LCA5: variants seen among roughly 807,000 people sequenced by gnomAD.
LCA5 encodes the protein lebercilin.
LCA5 carries 37 observed loss-of-function variants against 53.0 expected under a neutral mutation model. The ratio of observed to expected loss-of-function variants is 0.70; its 90% CI spans 0.54 to 0.92. LCA5 has a LOEUF of 0.92. Among genes scored for constraint, LCA5 ranks in the 40% least tolerant of loss-of-function variants. The pLI is 0.00. For synonymous variants in LCA5, 303 were observed against 282.9 expected (o/e 1.07, Z -0.71); for missense variants, 806 against 790.5 (o/e 1.02, Z -0.23).
chr6:79,521,827 A>T (rs1766634177), intron 1 of LCA5, among the ~76,000 whole-genome samples: 1 of 152,144 alleles, frequency 6.6e-6, no homozygotes, highest in Admixed American at 6.5e-5. Flanking sequence ...CACAAAATAA[A>T]TCTAAGAATA....
intron 1 of LCA5, among the ~76,000 whole-genome samples, chr6:79,530,011 C>T (rs1381458585): frequency 4.0e-5 from 6 of 151,096 alleles, no homozygotes; most frequent in Non-Finnish European, 7.4e-5. Flanking sequence ...ATGTAAATGA[C>T]GAGTTAATGG....
At chr6:79,505,256 T>C (rs1770244613) in intron 3 of LCA5, among the ~76,000 whole-genome samples, 1 of 152,140 alleles carries the variant, frequency 6.6e-6, no homozygotes, top group Non-Finnish European at 1.5e-5. Context: ...CAATCAAAAA[T>C]ATCATAATTT....
At chr6:79,523,416 A>C (rs974968728) in intron 1 of LCA5, among the ~76,000 whole-genome samples, 1 of 152,216 alleles carries the variant, frequency 6.6e-6, no homozygotes, top group African/African-American at 2.4e-5. Context: ...TTACCTCTCA[A>C]TGTAAGTCTA....
Position 79,490,823 on chromosome 6 carries a change from C to A in LCA5, c.1098+765G>T, listed in dbSNP as rs1240102268. On this transcript the variant is annotated intron_variant, in intron 6 of 7. Transcript: ENST00000369846. ...CCATTGTATGAAATATGCTAGGTTG[C>A]CGATACGTTGTTTTCTTTGGGGTTT... Among the ~76,000 whole-genome samples the A allele has an allele frequency of 4.6e-5, 7 of 152,120 alleles. No homozygotes were observed. In the East Asian group the frequency reaches 1.4e-3, roughly 29 times the overall value.
At chr6:79,518,555 A>G (rs552774542) in intron 2 of LCA5, 150 bp downstream of exon 2, 4 of 680,236 alleles carry the variant, frequency 5.9e-6, no homozygotes, top group East Asian at 2.7e-5. Flanking sequence ...ATATATACTT[A>G]TAAGTATATA....
intron 3 of LCA5, among the ~76,000 whole-genome samples, chr6:79,498,969 G>A (rs1184132320): frequency 6.6e-6 from 1 of 152,020 alleles, no homozygotes; most frequent in African/African-American, 2.4e-5. Flanking sequence ...TATGAATATT[G>A]TTGCAAAAGT....
intron 3 of LCA5, among the ~76,000 whole-genome samples, chr6:79,499,917 A>G (rs926395895): frequency 2.0e-5 from 3 of 150,540 alleles, no homozygotes; most frequent in African/African-American, 7.4e-5. Context: ...TCATTGTTCA[A>G]TTCCCACCTA....
intron 1 of LCA5, among the ~76,000 whole-genome samples, chr6:79,530,314 C>T (rs1766920084): frequency 6.6e-6 from 1 of 151,920 alleles, no homozygotes; most frequent in Admixed American, 6.6e-5. Context: ...TATGAGAACA[C>T]ATGGACATAT....
intron 3 of LCA5, among the ~76,000 whole-genome samples, chr6:79,500,384 G>A (rs1273780403): frequency 1.3e-5 from 2 of 152,062 alleles, no homozygotes; most frequent in Admixed American, 1.3e-4. Context: ...AAACACAAAG[G>A]ATAAGTTATT....
At chr6:79,531,772 C>G (rs1766966157) in intron 1 of LCA5, among the ~76,000 whole-genome samples, 1 of 152,126 alleles carries the variant, frequency 6.6e-6, no homozygotes, top group African/African-American at 2.4e-5. Context: ...CCATAGTGAT[C>G]TATTTTCCTG....
chr6:79,505,035 C>T (rs571035630), intron 3 of LCA5, among the ~76,000 whole-genome samples: 2 of 152,214 alleles, frequency 1.3e-5, no homozygotes, highest in South Asian at 2.1e-4. Context: ...GCTTGCAACG[C>T]GTAGCCTAGA....
chr6:79,533,041 A>T (rs1767002980), intron 1 of LCA5, among the ~76,000 whole-genome samples: 1 of 152,176 alleles, frequency 6.6e-6, no homozygotes, highest in Admixed American at 6.5e-5. Flanking sequence ...AAAGTTAGCA[A>T]ATCAAAAAGT....
At chr6:79,533,801 A>G (rs918831545) in intron 1 of LCA5, among the ~76,000 whole-genome samples, 2 of 151,356 alleles carry the variant, frequency 1.3e-5, no homozygotes, top group African/African-American at 4.8e-5. Context: ...TAGTTTTAAG[A>G]AAAAAAACTG....
rs1227687292 is a variant in LCA5 at position 79,513,754 on chromosome 6, C to A, written c.191-13G>T. On this transcript the variant is annotated splice_polypyrimidine_tract_variant and intron_variant, in intron 2 of 7. Transcript: ENST00000369846. Reference sequence around the variant, plus strand: ...GGTTTCCGAGGGGCTAAAAAAGAAACAGGAATAATGTAAAGTGAAAGCTGT... The same window carrying A: ...GGTTTCCGAGGGGCTAAAAAAGAAAAAGGAATAATGTAAAGTGAAAGCTGT... The A allele has an allele frequency of 6.2e-7, 1 of 1,612,476 alleles. No individual in the cohort carries two copies. The highest frequency in any genetic ancestry group is 1.1e-5 in the South Asian group (1 of 91,064).
In LCA5 at chr6:79,492,659, C is replaced by T. The variant is rs115317386; in HGVS notation, c.859-12G>A. The T allele has an allele frequency of 5.9e-4, 795 of 1,344,536 alleles. 2 individuals carry two copies. The highest frequency in any genetic ancestry group is 7.5e-4 in the Non-Finnish European group (716 of 951,158). 83.3% of individuals were successfully genotyped at this position (1,344,536 alleles called of 1,614,324 possible). ...TCTCTCTCCTTTTCCTGAAAACAAA[C>T]GCAATACAATTAAGGAAGTAGAGCC... On this transcript the variant is annotated splice_polypyrimidine_tract_variant and intron_variant, in intron 4 of 7. Coordinates refer to ENST00000369846, the MANE Select transcript of LCA5 (RefSeq NM_001122769.3).
intron 1 of LCA5, among the ~76,000 whole-genome samples, chr6:79,531,087 T>C (rs1582657803): frequency 6.6e-6 from 1 of 152,136 alleles, no homozygotes. Context: ...TGGTCTAAGA[T>C]CAGAAAGCTC....
At chr6:79,499,664 C>T (rs572106811) in intron 3 of LCA5, among the ~76,000 whole-genome samples, 7 of 150,932 alleles carry the variant, frequency 4.6e-5, no homozygotes, top group Admixed American at 4.6e-4. Flanking sequence ...GATATTTTTG[C>T]CCCACTTTTT....
intron 3 of LCA5, among the ~76,000 whole-genome samples, chr6:79,507,924 T>G (rs1770312531): frequency 6.6e-6 from 1 of 152,176 alleles, no homozygotes; most frequent in African/African-American, 2.4e-5. Flanking sequence ...TATGTCTCAT[T>G]TGCTGGCGCT....
At chr6:79,526,398 G>C (rs1286991898) in intron 1 of LCA5, among the ~76,000 whole-genome samples, 2 of 152,062 alleles carry the variant, frequency 1.3e-5, no homozygotes, top group Non-Finnish European at 2.9e-5. Flanking sequence ...CAAAAAATTA[G>C]CTGGGCGAGG....
Sources: gnomAD v4.1 joint callset for allele counts (sites outside exome capture counted in the v4.1 genomes callset) on GRCh38, gnomAD v4.1.1 for gene constraint, MANE v1.5 for transcripts, NCBI Gene and HGNC (gene_info 2026-07-23, HGNC 2026-07-21) for gene names.